PIBF1: variants seen among roughly 807,000 people sequenced by gnomAD.
PIBF1 encodes progesterone-induced-blocking factor 1.
Under a neutral mutation model 112.5 loss-of-function variants are expected in PIBF1, and 90 were observed. The observed-to-expected ratio is 0.80, with a 90% confidence interval of 0.67 to 0.95. The LOEUF is 0.95. Ranked by LOEUF, PIBF1 falls within the 40% of genes least tolerant of loss-of-function variation. The pLI is 0.00. For missense variants in PIBF1, 915 were observed against 852.3 expected (o/e 1.07, Z -0.92); for synonymous variants, 301 against 288.6 (o/e 1.04, Z -0.44).
chr13:72,844,355 T>C (rs2037738992), intron 9 of PIBF1, among the ~76,000 whole-genome samples: 2 of 152,214 alleles, frequency 1.3e-5, no homozygotes, highest in South Asian at 4.1e-4. Flanking sequence ...TTTTTATTAT[T>C]ATACTTTAGG....
At chr13:72,856,268 TACTA>T (rs2038417727) in intron 10 of PIBF1, among the ~76,000 whole-genome samples, 1 of 152,222 alleles carries the variant, frequency 6.6e-6, no homozygotes, top group Admixed American at 6.5e-5. Flanking sequence ...TGTGAAACTT[TACTA>T]ACTGAATTTT....
At chr13:72,955,098 A>T (rs141617000) in intron 14 of PIBF1, among the ~76,000 whole-genome samples, 1 of 152,182 alleles carries the variant, frequency 6.6e-6, no homozygotes, top group Non-Finnish European at 1.5e-5. Context: ...GGTTGTTCTG[A>T]TATGGAATTA....
At chr13:73,004,269 T>G (rs1042729949) in intron 17 of PIBF1, among the ~76,000 whole-genome samples, 12 of 151,986 alleles carry the variant, frequency 7.9e-5, no homozygotes, top group Non-Finnish European at 1.3e-4. Flanking sequence ...GGTGGGCGGC[T>G]CACCTGAGAT....
At chr13:72,985,117 A>G (rs765161570) in intron 16 of PIBF1, among the ~76,000 whole-genome samples, 132 of 152,110 alleles carry the variant, frequency 8.7e-4, no homozygotes, top group Non-Finnish European at 9.8e-4. Flanking sequence ...TTATATGACT[A>G]TCTTAGAATA....
intron 12 of PIBF1, among the ~76,000 whole-genome samples, chr13:72,912,280 A>G (rs778124315): frequency 1.3e-5 from 2 of 152,192 alleles, no homozygotes; most frequent in Non-Finnish European, 2.9e-5. Flanking sequence ...CGTTAGCAGT[A>G]GGAAATTAAT....
intron 9 of PIBF1, among the ~76,000 whole-genome samples, chr13:72,835,882 G>A (rs879512267): frequency 2.6e-5 from 4 of 151,922 alleles, no homozygotes; most frequent in African/African-American, 4.8e-5. Flanking sequence ...GGCAGATCAC[G>A]AGGTCAGGAG....
intron 14 of PIBF1, among the ~76,000 whole-genome samples, chr13:72,931,718 G>GATTATATATATATA (rs2041703613): frequency 9.8e-6 from 1 of 101,978 alleles, no homozygotes; most frequent in Non-Finnish European, 2.0e-5. Context: ...TTTAAACTAC[G>GATTATATATATATA]TATATATATA....
rs539166003 is a variant in PIBF1 at position 72,963,449 on chromosome 13, C to T, written c.1834-1825C>T. On this transcript the variant is annotated intron_variant, in intron 14 of 17. Coordinates refer to ENST00000326291, the MANE Select transcript of PIBF1 (RefSeq NM_006346.4). ...TATCTACTAAAAATATGAAAATTAG[C>T]CAGGCATGGTGGCGCACGCCTCTAA... Among the ~76,000 whole-genome samples the T allele has an allele frequency of 2.6e-5, 4 of 152,128 alleles. No homozygotes were observed. The East Asian group carries it at 7.8e-4, about 30-fold the overall frequency.
rs74603935 is a variant in PIBF1, at chr13:72,821,782, A to G, written c.673-67A>G. 1.5e-3 allele frequency: 1,816 copies of G among 1,213,706 alleles called. 28 individuals carry two copies. In the African/African-American group the frequency reaches 0.025, roughly 17 times the overall value. The allele number at this position is 1,213,706 out of a possible 1,614,324, so 75.2% of individuals were successfully genotyped here. A position where few individuals can be genotyped will look rare whatever the true frequency, so the allele number is the denominator to read the frequency against. ...AATCACAGCTTAACAGAAGACTTCA[A>G]TACAGAATTTGGGCAACTATGTTAA... is the stretch of plus-strand genomic sequence containing the variant. On this transcript the variant is annotated intron_variant, in intron 5 of 17. Coordinates refer to ENST00000326291, the MANE Select transcript of PIBF1 (RefSeq NM_006346.4).
At chr13:72,857,755 G>T (rs2038493886) in intron 10 of PIBF1, among the ~76,000 whole-genome samples, 4 of 152,054 alleles carry the variant, frequency 2.6e-5, no homozygotes, top group Admixed American at 2.6e-4. Flanking sequence ...CAGGAGAATC[G>T]CTTGAACCTG....
intron 14 of PIBF1, 127 bp downstream of exon 14, chr13:72,931,394 G>A: frequency 1.4e-6 from 1 of 695,286 alleles, no homozygotes; most frequent in Non-Finnish European, 2.5e-6. Context: ...CACAATTTAT[G>A]AAACTAACTG....
At chr13:72,848,646 C>G (rs2138286736) in intron 9 of PIBF1, among the ~76,000 whole-genome samples, 1 of 152,058 alleles carries the variant, frequency 6.6e-6, no homozygotes, top group African/African-American at 2.4e-5. Flanking sequence ...GAGATCGAGA[C>G]CACAGTGAAA....
intron 10 of PIBF1, among the ~76,000 whole-genome samples, chr13:72,893,286 C>T (rs1046441573): frequency 1.3e-5 from 2 of 151,984 alleles, no homozygotes; most frequent in Non-Finnish European, 2.9e-5. Flanking sequence ...ACAGTTTGTA[C>T]ATTTTTTTCT....
At chr13:72,786,939 A>G (rs2034630904) in intron 2 of PIBF1, among the ~76,000 whole-genome samples, 1 of 152,210 alleles carries the variant, frequency 6.6e-6, no homozygotes, top group Admixed American at 6.5e-5. Flanking sequence ...ATACATTGCT[A>G]AGGTTAAACA....
rs79991002 is a variant in PIBF1 at position 72,835,239 on chromosome 13, G to T, written c.1098-4G>T. ...TTATGGTTGTTCCTTTTCACTCCTT[G>T]CAGAGACCATTATAAAACAGAATAT... On this transcript the variant is annotated splice_region_variant and splice_polypyrimidine_tract_variant and intron_variant, in intron 8 of 17. Coordinates refer to ENST00000326291, the MANE Select transcript of PIBF1 (RefSeq NM_006346.4). The T allele has an allele frequency of 6.4e-7, 1 of 1,554,850 alleles. No individual in the cohort carries two copies. Among genetic ancestry groups the T allele is most frequent in the Non-Finnish European group, 8.6e-7 (1 of 1,158,002 alleles).
chr13:72,782,498 C>A (rs2138272756), intron 1 of PIBF1, 149 bp downstream of exon 1: 1 of 152,292 alleles, frequency 6.6e-6, no homozygotes, highest in African/African-American at 2.4e-5. Flanking sequence ...TCTTTGAATT[C>A]ACTTTTTCTT....
intron 10 of PIBF1, among the ~76,000 whole-genome samples, chr13:72,879,360 A>G (rs1045054585): frequency 6.6e-6 from 1 of 152,166 alleles, no homozygotes; most frequent in African/African-American, 2.4e-5. Flanking sequence ...AATCCTCCCA[A>G]CCAGAGAAGG....
chr13:72,936,253 C>G (rs2041870101), intron 14 of PIBF1, among the ~76,000 whole-genome samples: 1 of 151,952 alleles, frequency 6.6e-6, no homozygotes, highest in Admixed American at 6.6e-5. Flanking sequence ...CTCAGGTTGT[C>G]TCGAACTCCT....
intron 13 of PIBF1, among the ~76,000 whole-genome samples, chr13:72,918,775 C>A (rs2041189393): frequency 6.6e-6 from 1 of 150,864 alleles, no homozygotes; most frequent in African/African-American, 2.4e-5. Flanking sequence ...ACGATCTCAG[C>A]TCACTGCAAC....
Sources: allele counts gnomAD v4.1 joint callset (sites outside exome capture counted in the v4.1 genomes callset), GRCh38; gene constraint gnomAD v4.1.1; transcripts MANE v1.5; gene names NCBI Gene and HGNC (gene_info 2026-07-23, HGNC 2026-07-21).